ZNF112: variants seen among roughly 807,000 people sequenced by gnomAD.
The protein encoded by ZNF112 is zinc finger protein 112.
In ZNF112, 37 loss-of-function variants were observed where a neutral mutation model predicts 77.7. That is an observed-to-expected ratio of 0.48 (90% CI 0.37 to 0.63). The LOEUF (loss-of-function observed/expected upper bound fraction) is 0.63, where lower values mean the gene tolerates loss of function less well. ZNF112 is among the 20% of genes least tolerant of loss of function. The pLI is 0.00. For missense variants in ZNF112, 950 were observed against 1,077.4 expected (o/e 0.88, Z 1.66); for synonymous variants, 333 against 363.6 (o/e 0.92, Z 0.96).
At chr19:44,346,635 G>A (rs1193315334) in intron 1 of ZNF112, among the ~76,000 whole-genome samples, 1 of 152,088 alleles carries the variant, frequency 6.6e-6, no homozygotes, top group Non-Finnish European at 1.5e-5. Flanking sequence ...CAGAAAATTT[G>A]AATATACTCT....
At chr19:44,353,173 C>A (rs1343985350) in intron 1 of ZNF112, among the ~76,000 whole-genome samples, 2 of 151,878 alleles carry the variant, frequency 1.3e-5, no homozygotes, top group African/African-American at 4.8e-5. Context: ...CAGAAATAAA[C>A]CCAAACAAGT....
chr19:44,327,815 C>T lies in ZNF112; in HGVS notation c.2342G>A (p.Ser781Asn). The T allele has an allele frequency of 9.3e-6, 15 of 1,613,974 alleles. No homozygotes were observed. Among genetic ancestry groups the T allele is most frequent in the Non-Finnish European group, 1.3e-5 (15 of 1,179,892 alleles). ...GTGTGCTTGAAGGCGTGAACTCTCA[C>T]TGAAACCCTTTGTACACACCTCACA... ...YKCEVCTKGF[S>N]ESSRLQAHQR... is the part of the protein sequence containing the mutation. The change falls in exon 4 of 4, where the codon AGT becomes AAT. Residue 781 changes from serine to asparagine, a missense_variant. By Grantham distance (46) the Ser-to-Asn change is conservative. This residue lies in a region of ZNF112 where 373 missense variants were observed against 482.8 expected (regional missense o/e 0.77). Transcript: ENST00000354340.
rs1970369116 is a variant in ZNF112, at chr19:44,336,504, A to C, written c.220+119T>G. 8 of 835,170 alleles carry C rather than the reference A, an allele frequency of 9.6e-6. No individual in the cohort carries two copies. In the East Asian group the frequency reaches 2.0e-4, roughly 21 times the overall value. The allele number at this position is 835,170 out of a possible 1,614,324, so 51.7% of individuals were successfully genotyped here. On this transcript the variant is annotated intron_variant, in intron 3 of 3. Coordinates refer to ENST00000354340, the MANE Select transcript of ZNF112 (RefSeq NM_013380.4). ...CCTAATAGACCACTTTAAGTACTTTAAACTTACTATGTGTGAAATGGGGAG... is the reference window on the plus strand; with the variant it reads ...CCTAATAGACCACTTTAAGTACTTTCAACTTACTATGTGTGAAATGGGGAG...
chr19:44,366,280 G>A (rs1568682577), intron 1 of ZNF112, among the ~76,000 whole-genome samples: 1 of 152,188 alleles, frequency 6.6e-6, no homozygotes, highest in Non-Finnish European at 1.5e-5. Flanking sequence ...AAGGTGGTCT[G>A]TACAGAATTC....
At chr19:44,345,543 T>C (rs1300993513) in intron 1 of ZNF112, among the ~76,000 whole-genome samples, 4 of 152,168 alleles carry the variant, frequency 2.6e-5, no homozygotes, top group Non-Finnish European at 5.9e-5. Flanking sequence ...ACTTTGAGAA[T>C]TCAAAAGAAA....
chr19:44,334,225 T>C (rs1483251440), intron 3 of ZNF112, among the ~76,000 whole-genome samples: 1 of 152,194 alleles, frequency 6.6e-6, no homozygotes, highest in Non-Finnish European at 1.5e-5. Context: ...TTGAACTTGA[T>C]AGGGATGATT....
chr19:44,327,134 T>C lies in ZNF112; in HGVS notation c.*299A>G. The C allele has an allele frequency of 4.0e-6, 1 of 252,138 alleles. No homozygotes were observed. The allele number at this position is 252,138 out of a possible 1,614,324, so 15.6% of individuals were successfully genotyped here. Reference sequence around the variant, plus strand: ...GTAGACTAGCAATGAACAAAGTCCCTTCTTTCACCAAGCTTACATTCTAGA... The same window carrying C: ...GTAGACTAGCAATGAACAAAGTCCCCTCTTTCACCAAGCTTACATTCTAGA... On this transcript the variant is annotated 3_prime_UTR_variant, in exon 4 of 4. Coordinates refer to ENST00000354340, the MANE Select transcript of ZNF112 (RefSeq NM_013380.4).
chr19:44,350,807 T>G (rs1303144443), intron 1 of ZNF112, among the ~76,000 whole-genome samples: 1 of 152,122 alleles, frequency 6.6e-6, no homozygotes, highest in African/African-American at 2.4e-5. Context: ...CATTGTACAC[T>G]GCATAATTCT....
chr19:44,335,248 T>C (rs1193407168), intron 3 of ZNF112, among the ~76,000 whole-genome samples: 1 of 152,244 alleles, frequency 6.6e-6, no homozygotes, highest in Non-Finnish European at 1.5e-5. Context: ...TTGTTTTGCC[T>C]GATTTCTCCC....
upstream of ZNF112, among the ~76,000 whole-genome samples, chr19:44,357,545 C>T (rs1462943698): frequency 6.6e-6 from 1 of 151,786 alleles, no homozygotes. Flanking sequence ...GTTGCAAGAT[C>T]CACAAGAACG....
rs1442403600 is a variant in ZNF112, at chr19:44,340,513, C to T, written c.27G>A (p.Val9=). The T allele has an allele frequency of 6.2e-7, 1 of 1,614,020 alleles. No homozygotes were observed. Among genetic ancestry groups the T allele is most frequent in the Non-Finnish European group, 8.5e-7 (1 of 1,179,974 alleles). The change falls in exon 2 of 4, where the codon GTG becomes GTA. Residue 9 remains valine (V), a synonymous_variant. Transcript: ENST00000354340. Reference sequence around the variant, plus strand: ...GCCCCAGCTCCTCCTCAGTGAAGACCACAGCAACATCCTTGAATGTCACCA... The same window carrying T: ...GCCCCAGCTCCTCCTCAGTGAAGACTACAGCAACATCCTTGAATGTCACCA... MVTFKDVA[V]VFTEEELGLL...
intron 1 of ZNF112, among the ~76,000 whole-genome samples, chr19:44,364,771 G>C (rs1235632106): frequency 6.6e-6 from 1 of 152,170 alleles, no homozygotes; most frequent in East Asian, 1.9e-4. Flanking sequence ...GATATGAAAA[G>C]GTTAGATGAG....
chr19:44,353,625 G>A (rs1245512138), intron 1 of ZNF112, among the ~76,000 whole-genome samples: 1 of 151,844 alleles, frequency 6.6e-6, no homozygotes, highest in Non-Finnish European at 1.5e-5. Flanking sequence ...GGATGGCAAA[G>A]AAACAATAAC....
rs773031982 is a variant in ZNF112, at chr19:44,329,696, G to A, written c.461C>T (p.Thr154Ile). Residue 154 changes from threonine (T) to isoleucine (I), a missense_variant, in exon 4 of 4, where the codon ACT (threonine) becomes ATT (isoleucine). Coordinates refer to ENST00000354340, the MANE Select transcript of ZNF112 (RefSeq NM_013380.4). ...QISEDKNYIF[T>I]HIGNGSNYIK... ...ATAATTGGAGCCATTCCCTATATGA[G>A]TGAATATATAGTTCTTATCTTCAGA... 1.2e-6 allele frequency: 2 copies of A among 1,613,986 alleles called. No homozygotes were observed. The highest frequency in any genetic ancestry group is 1.7e-6 in the Non-Finnish European group (2 of 1,179,976).
At chr19:44,355,306 G>C (rs1276500137) in intron 1 of ZNF112, among the ~76,000 whole-genome samples, 1 of 152,010 alleles carries the variant, frequency 6.6e-6, no homozygotes, top group Non-Finnish European at 1.5e-5. Flanking sequence ...TATTGTTACT[G>C]TTATATCTTG....
At chr19:44,347,380 A>C (rs182260381) in intron 1 of ZNF112, among the ~76,000 whole-genome samples, 1 of 150,730 alleles carries the variant, frequency 6.6e-6, no homozygotes, top group Non-Finnish European at 1.5e-5. Flanking sequence ...TCCTATAATT[A>C]TTGATATAGC....
chr19:44,351,428 G>C (rs1216278800), intron 1 of ZNF112, among the ~76,000 whole-genome samples: 1 of 152,064 alleles, frequency 6.6e-6, no homozygotes, highest in African/African-American at 2.4e-5. Flanking sequence ...ATTAGTATCA[G>C]TATTTCATAG....
intron 1 of ZNF112, among the ~76,000 whole-genome samples, chr19:44,345,822 C>T (rs1472432423): frequency 6.6e-6 from 1 of 152,180 alleles, no homozygotes; most frequent in Admixed American, 6.5e-5. Context: ...CAGGCCCTTG[C>T]ATGTGCCACC....
At position 44,328,516 on chromosome 19, in the gene ZNF112, A is replaced by G. The variant is rs765934644; in HGVS notation, c.1641T>C (p.Tyr547=). ...HQRVHTGEKP[Y]KCEECDKGFS... is the part of the protein sequence containing the mutation. ...ATCCCTTATCACATTCCTCGCATTT[A>G]TAAGGTTTCTCTCCTGTGTGGACTC... Residue 547 remains tyrosine, a synonymous_variant, in exon 4 of 4, where the codon TAT becomes TAC. Coordinates refer to ENST00000354340, the MANE Select transcript of ZNF112 (RefSeq NM_013380.4). 1 of 1,597,212 alleles carries G rather than the reference A, an allele frequency of 6.3e-7. No homozygotes were observed. The highest frequency in any genetic ancestry group is 8.6e-7 in the Non-Finnish European group (1 of 1,168,608).
Sources: allele counts gnomAD v4.1 joint callset (sites outside exome capture counted in the v4.1 genomes callset), GRCh38; gene constraint gnomAD v4.1.1; regional missense constraint gnomAD v4.1.1; transcripts MANE v1.5; gene names NCBI Gene and HGNC (gene_info 2026-07-23, HGNC 2026-07-21).